The following TENM4 variants were observed in gnomAD, a reference collection of about 807,000 sequenced individuals.
The protein encoded by TENM4 is teneurin transmembrane protein 4.
A neutral mutation model predicts 243.3 loss-of-function variants in TENM4; 82 were observed. That is an observed-to-expected ratio of 0.34 (90% CI 0.28 to 0.40). The LOEUF (loss-of-function observed/expected upper bound fraction) is 0.40, where lower values mean the gene tolerates loss of function less well. Among genes scored for constraint, TENM4 ranks in the 10% least tolerant of loss-of-function variants. The pLI is 1.00. For missense variants in TENM4, 3,138 were observed against 3,673.3 expected (o/e 0.85, Z 3.77); for synonymous variants, 1,412 against 1,456.3 (o/e 0.97, Z 0.69).
intron 9 of TENM4, among the ~76,000 whole-genome samples, chr11:78,880,457 TAAAAAAAAAAA>T (rs71763484): frequency 5.7e-5 from 6 of 104,604 alleles, no homozygotes; most frequent in African/African-American, 2.7e-4. Context: ...CAATAAATAC[TAAAAAAAAAAA>T]AAAAAAAAAA....
At chr11:79,408,490 T>A (rs1478405604) in intron 1 of TENM4, among the ~76,000 whole-genome samples, 1 of 152,232 alleles carries the variant, frequency 6.6e-6, no homozygotes, top group Non-Finnish European at 1.5e-5. Context: ...ATATCACTAT[T>A]GAATAAAATC....
At chr11:79,078,824 G>A (rs754242530) in intron 4 of TENM4, among the ~76,000 whole-genome samples, 10 of 152,176 alleles carry the variant, frequency 6.6e-5, no homozygotes, top group East Asian at 3.9e-4. Context: ...AGGATTTAGG[G>A]AGGTTAAGTA....
chr11:79,390,066 G>A (rs1437804962), intron 1 of TENM4, among the ~76,000 whole-genome samples: 3 of 152,208 alleles, frequency 2.0e-5, no homozygotes, highest in Non-Finnish European at 4.4e-5. Flanking sequence ...CAGGGAAGCA[G>A]CCATCGTTTA....
At chr11:78,729,695 G>A in intron 21 of TENM4, 52 bp from the exon 22 acceptor site, 3 of 1,546,112 alleles carry the variant, frequency 1.9e-6, no homozygotes, top group Non-Finnish European at 2.6e-6. Context: ...CTCACCGAGT[G>A]GAGGGAAGAT....
intron 1 of TENM4, among the ~76,000 whole-genome samples, chr11:79,319,984 T>C (rs1590876776): frequency 6.6e-6 from 1 of 152,124 alleles, no homozygotes; most frequent in Admixed American, 6.5e-5. Flanking sequence ...GCAGTGTACC[T>C]CCCTCCCTCC....
At chr11:79,261,670 G>C (rs529627074) in intron 2 of TENM4, among the ~76,000 whole-genome samples, 1 of 152,140 alleles carries the variant, frequency 6.6e-6, no homozygotes, top group African/African-American at 2.4e-5. Flanking sequence ...GGACGTGATG[G>C]CTTCTACAAT....
intron 21 of TENM4, among the ~76,000 whole-genome samples, chr11:78,730,845 G>T (rs144504487): frequency 2.6e-5 from 4 of 152,228 alleles, no homozygotes; most frequent in African/African-American, 9.6e-5. Context: ...TTAGGGATTG[G>T]GCTTAAACTA....
chr11:79,356,290 C>T (rs1053218386), intron 1 of TENM4, among the ~76,000 whole-genome samples: 1 of 152,214 alleles, frequency 6.6e-6, no homozygotes, highest in Non-Finnish European at 1.5e-5. Flanking sequence ...TAGCCTTAGG[C>T]AAGTGACAAC....
intron 2 of TENM4, among the ~76,000 whole-genome samples, chr11:79,283,525 C>CA (rs1479711472): frequency 5.3e-5 from 8 of 151,932 alleles, no homozygotes; most frequent in Non-Finnish European, 7.4e-5. Flanking sequence ...CCTTTTGTGA[C>CA]AAAAAAACCC....
intron 6 of TENM4, among the ~76,000 whole-genome samples, chr11:78,994,191 G>A (rs918190970): frequency 7.9e-5 from 12 of 152,334 alleles, no homozygotes; most frequent in Admixed American, 2.0e-4. Flanking sequence ...TAGTTGGAAC[G>A]GAAACATCTC....
chr11:79,172,609 C>T (rs1453394518), intron 3 of TENM4, among the ~76,000 whole-genome samples: 1 of 151,996 alleles, frequency 6.6e-6, no homozygotes, highest in Non-Finnish European at 1.5e-5. Flanking sequence ...CTGACTTAGG[C>T]ATCATCAATT....
chr11:79,018,495 A>G (rs1858838395), intron 6 of TENM4, among the ~76,000 whole-genome samples: 1 of 151,930 alleles, frequency 6.6e-6, no homozygotes, highest in South Asian at 2.1e-4. Flanking sequence ...CCTACCCCAC[A>G]TGCCTGGCCT....
At chr11:79,309,341 CATACAG>C in intron 1 of TENM4, among the ~76,000 whole-genome samples, 2 of 152,268 alleles carry the variant, frequency 1.3e-5, no homozygotes, top group South Asian at 4.2e-4. Flanking sequence ...GTGTTTTTCC[CATACAG>C]GCCAAGAGGG....
intron 2 of TENM4, among the ~76,000 whole-genome samples, chr11:79,252,559 T>C (rs543094540): frequency 2.0e-5 from 3 of 152,338 alleles, no homozygotes; most frequent in African/African-American, 7.2e-5. Context: ...CTCTCTAGTT[T>C]GTCGGCCAGA....
intron 1 of TENM4, among the ~76,000 whole-genome samples, chr11:79,301,946 C>T (rs537869568): frequency 7.0e-4 from 107 of 152,250 alleles, no homozygotes; most frequent in African/African-American, 2.5e-3. Context: ...GTCAATTAAA[C>T]CTCTTTTCTT....
intron 3 of TENM4, among the ~76,000 whole-genome samples, chr11:79,199,365 T>C (rs73508637): frequency 0.024 from 3,640 of 152,280 alleles, 137 homozygotes; most frequent in African/African-American, 0.082. Flanking sequence ...GTGCTAGGCA[T>C]TCATTGTTTC....
intron 20 of TENM4, among the ~76,000 whole-genome samples, 167 bp from the exon 21 acceptor site, chr11:78,732,744 A>G (rs1381328621): frequency 1.3e-5 from 2 of 152,238 alleles, no homozygotes; most frequent in Admixed American, 1.3e-4. Context: ...AAACAATGGC[A>G]GTGATTTTAG....
At chr11:78,844,443 A>G (rs1052066301) in intron 12 of TENM4, among the ~76,000 whole-genome samples, 10 of 152,184 alleles carry the variant, frequency 6.6e-5, no homozygotes, top group Admixed American at 6.5e-4. Context: ...GGAGATCGAG[A>G]CCATCCTGGC....
At chr11:78,918,443 C>T (rs1856370057) in intron 6 of TENM4, among the ~76,000 whole-genome samples, 1 of 139,464 alleles carries the variant, frequency 7.2e-6, no homozygotes, top group African/African-American at 3.2e-5. Context: ...TTAGAATCTA[C>T]TTATGTTAAA....
Sources: allele counts gnomAD v4.1 joint callset (sites outside exome capture counted in the v4.1 genomes callset), GRCh38; gene constraint gnomAD v4.1.1; transcripts MANE v1.5; gene names NCBI Gene and HGNC (gene_info 2026-07-23, HGNC 2026-07-21).